The following SIPA1L2 variants were observed in gnomAD, a reference collection of about 807,000 sequenced individuals.
SIPA1L2 encodes signal induced proliferation associated 1 like 2.
A neutral mutation model predicts 163.9 loss-of-function variants in SIPA1L2; 56 were observed. The observed-to-expected ratio is 0.34, with a 90% CI of 0.28 to 0.43. SIPA1L2 has a LOEUF of 0.43. Ranked by LOEUF, SIPA1L2 falls within the 20% of genes least tolerant of loss-of-function variation. SIPA1L2 has a pLI of 1.00. For synonymous variants in SIPA1L2, 877 were observed against 865.7 expected (o/e 1.01, Z -0.23); for missense variants, 1,974 against 2,193.5 (o/e 0.90, Z 2.00).
chr1:232,443,886 T>C (rs569525027), intron 11 of SIPA1L2, among the ~76,000 whole-genome samples: 6 of 152,362 alleles, frequency 3.9e-5, no homozygotes, highest in South Asian at 2.1e-4. Flanking sequence ...TGGTTTATGA[T>C]TGGCAATTTG....
chr1:232,451,908 G>T (rs1173592945), intron 10 of SIPA1L2, among the ~76,000 whole-genome samples: 1 of 139,146 alleles, frequency 7.2e-6, no homozygotes, highest in Non-Finnish European at 1.6e-5. Flanking sequence ...CACATTTCTT[G>T]TCTAGCCAAT....
At chr1:232,409,083 T>A (rs1041811143) in intron 19 of SIPA1L2, among the ~76,000 whole-genome samples, 1 of 152,214 alleles carries the variant, frequency 6.6e-6, no homozygotes, top group East Asian at 1.9e-4. Flanking sequence ...AAAATTCTTA[T>A]CCCTATTTTT....
intron 2 of SIPA1L2, among the ~76,000 whole-genome samples, chr1:232,539,016 G>A (rs535771041): frequency 6.6e-6 from 1 of 152,282 alleles, no homozygotes; most frequent in African/African-American, 2.4e-5. Flanking sequence ...TTGATTGCTG[G>A]GGGAAGTAGC....
intron 3 of SIPA1L2, among the ~76,000 whole-genome samples, chr1:232,500,001 G>A (rs897048592): frequency 7.9e-5 from 12 of 151,450 alleles, no homozygotes; most frequent in Non-Finnish European, 1.2e-4. Flanking sequence ...TTTTTGAGAC[G>A]GAGTCTCGCT....
chr1:232,625,936 C>A (rs1257121856), intron 1 of SIPA1L2, among the ~76,000 whole-genome samples: 1 of 152,136 alleles, frequency 6.6e-6, no homozygotes, highest in African/African-American at 2.4e-5. Flanking sequence ...AAACCCCGGT[C>A]CTTAGTGAAT....
At chr1:232,574,326 C>G (rs995418229) in intron 1 of SIPA1L2, among the ~76,000 whole-genome samples, 104 bp from the exon 2 acceptor site, 36 of 152,288 alleles carry the variant, frequency 2.4e-4, no homozygotes, top group African/African-American at 8.4e-4. Flanking sequence ...GGGTCAAAAC[C>G]ATTTTCATGT....
At chr1:232,468,024 T>C (rs148947495) in intron 8 of SIPA1L2, among the ~76,000 whole-genome samples, 8 of 152,292 alleles carry the variant, frequency 5.3e-5, no homozygotes, top group African/African-American at 1.9e-4. Context: ...CATCTCAAAG[T>C]TGTACAAGAA....
At chr1:232,627,514 C>T (rs1372843986) in intron 1 of SIPA1L2, among the ~76,000 whole-genome samples, 1 of 151,672 alleles carries the variant, frequency 6.6e-6, no homozygotes, top group Non-Finnish European at 1.5e-5. Context: ...CCATCCCAGT[C>T]TTGCGGGGTG....
At chr1:232,628,143 CCTG>C (rs751657765) in intron 1 of SIPA1L2, among the ~76,000 whole-genome samples, 13 of 151,424 alleles carry the variant, frequency 8.6e-5, no homozygotes, top group Admixed American at 1.3e-4. Flanking sequence ...TAACTGGGAG[CCTG>C]CTGCTGCTGC....
rs560550872 is a variant in SIPA1L2 at position 232,398,660 on chromosome 1, A to G, written c.*467T>C. 6.5e-6 allele frequency: 1 copy of G among 153,650 alleles called. No individual in the cohort carries two copies. Among genetic ancestry groups the G allele is most frequent in the South Asian group, 2.1e-4 (1 of 4,876 alleles). The allele number at this position is 153,650 out of a possible 1,614,324, so 9.5% of individuals were successfully genotyped here. ...GGCTGTGGAAATAAAACTACTGTAC[A>G]TCCAAAAAAATAGAGCACCTTTAAC... On this transcript the variant is annotated 3_prime_UTR_variant, in exon 23 of 23. Transcript: ENST00000674635.
chr1:232,417,648 T>C (rs1177328019), intron 18 of SIPA1L2, among the ~76,000 whole-genome samples: 1 of 151,850 alleles, frequency 6.6e-6, no homozygotes, highest in Non-Finnish European at 1.5e-5. Flanking sequence ...GAAGAAAGGG[T>C]TCCAGAAAGG....
intron 11 of SIPA1L2, among the ~76,000 whole-genome samples, chr1:232,445,228 C>T (rs7417347): frequency 6.6e-6 from 1 of 152,180 alleles, no homozygotes; most frequent in Admixed American, 6.5e-5. Flanking sequence ...AGAATAGTTT[C>T]TGGGGTGCCT....
At chr1:232,433,149 C>T (rs1662349929) in intron 15 of SIPA1L2, among the ~76,000 whole-genome samples, 1 of 152,154 alleles carries the variant, frequency 6.6e-6, no homozygotes, top group Non-Finnish European at 1.5e-5. Context: ...ATGGCAGCAA[C>T]CCAAATCATC....
At chr1:232,400,064 C>A (rs1035073947) in intron 22 of SIPA1L2, among the ~76,000 whole-genome samples, 1 of 152,164 alleles carries the variant, frequency 6.6e-6, no homozygotes, top group South Asian at 2.1e-4. Context: ...TTTCCTGAGC[C>A]CTTCCAAGGC....
At chr1:232,468,240 C>T (rs1664622346) in intron 8 of SIPA1L2, among the ~76,000 whole-genome samples, 1 of 152,154 alleles carries the variant, frequency 6.6e-6, no homozygotes, top group Non-Finnish European at 1.5e-5. Context: ...TTATTTCACC[C>T]AAATAACTCG....
rs559443496 is a variant in SIPA1L2 at position 232,486,224 on chromosome 1, C to T, written c.1807-2258G>A. Among the ~76,000 whole-genome samples the T allele has an allele frequency of 2.6e-5, 4 of 152,294 alleles. No homozygotes were observed. The East Asian group carries it at 7.7e-4, about 29-fold the overall frequency. On this transcript the variant is annotated intron_variant, in intron 5 of 22. Coordinates refer to ENST00000674635, the MANE Select transcript of SIPA1L2 (RefSeq NM_020808.5). Reference sequence around the variant, plus strand: ...TCAAGCAGAGCCGTCACCAGCCTGGCTCACTTCCTCTCTGACTCGGAGAGC... The same window carrying T: ...TCAAGCAGAGCCGTCACCAGCCTGGTTCACTTCCTCTCTGACTCGGAGAGC...
intron 2 of SIPA1L2, among the ~76,000 whole-genome samples, chr1:232,567,256 T>G (rs1435349167): frequency 6.6e-6 from 1 of 152,148 alleles, no homozygotes; most frequent in Non-Finnish European, 1.5e-5. Context: ...ATCTGCCACA[T>G]AGTGAACAGT....
Position 232,514,125 on chromosome 1 carries a change from G to C in SIPA1L2, c.1215C>G (p.Leu405=). Residue 405 remains leucine (L), a synonymous_variant, in exon 3 of 23, where the codon CTC becomes CTG. Transcript: ENST00000674635. ...ADEGDGKSND[L]VLSCPYFRNE... is the part of the protein sequence containing the mutation. ...TTCTAAAGTAAGGACAACTAAGGAC[G>C]AGGTCGTTACTTTTCCCATCACCCT... 6.2e-7 allele frequency: 1 copy of C among 1,614,216 alleles called. No individual in the cohort carries two copies. Among genetic ancestry groups the C allele is most frequent in the Non-Finnish European group, 8.5e-7 (1 of 1,180,044 alleles).
chr1:232,554,580 T>C (rs1050395902), intron 2 of SIPA1L2, among the ~76,000 whole-genome samples: 2 of 152,178 alleles, frequency 1.3e-5, no homozygotes, highest in Non-Finnish European at 2.9e-5. Context: ...ACAACACTGG[T>C]GTCACGAAGA....
Sources: allele counts gnomAD v4.1 joint callset (sites outside exome capture counted in the v4.1 genomes callset), GRCh38; gene constraint gnomAD v4.1.1; transcripts MANE v1.5; gene names NCBI Gene and HGNC (gene_info 2026-07-23, HGNC 2026-07-21).